RNF14: variants seen among roughly 807,000 people sequenced by gnomAD.
RNF14 encodes E3 ubiquitin-protein ligase RNF14.
Under a neutral mutation model 52.6 loss-of-function variants are expected in RNF14, and 26 were observed. The ratio of observed to expected loss-of-function variants is 0.49; its 90% CI spans 0.36 to 0.69. The LOEUF (loss-of-function observed/expected upper bound fraction) is 0.69, where lower values mean the gene tolerates loss of function less well. Ranked by LOEUF, RNF14 falls within the 30% of genes least tolerant of loss-of-function variation. The pLI is 0.00. For synonymous variants in RNF14, 194 were observed against 202.0 expected, an observed-to-expected ratio of 0.96 and a Z score of 0.34; for missense variants, 404 against 560.4, an observed-to-expected ratio of 0.72 and a Z score of 2.82.
intron 8 of RNF14, 51 bp downstream of exon 8, chr5:141,984,984 T>G: frequency 6.6e-7 from 1 of 1,513,384 alleles, no homozygotes; most frequent in Non-Finnish European, 9.1e-7. Context: ...TGGTACTTGA[T>G]TTGCAGACCA....
rs1463386647 is a variant in RNF14, at chr5:141,989,149, TTAAAA to T, written c.*1365_*1369del. The T allele has an allele frequency of 2.6e-5, 4 of 152,222 alleles. No homozygotes were observed. The highest frequency in any genetic ancestry group is 5.9e-5 in the Non-Finnish European group (4 of 68,036). 9.4% of individuals were successfully genotyped at this position (152,222 alleles called of 1,614,324 possible). ...GGATTGTCAAAGAGGATGCTTAGTC[TTAAAA>T]TAAAAATAAATTTAAAAATCATCTT... On this transcript the variant is annotated 3_prime_UTR_variant, in exon 9 of 9. Transcript: ENST00000394520.
At chr5:141,957,546 A>T (rs762984233), upstream of RNF14, 1 of 1,614,200 alleles carries the variant, frequency 6.2e-7, no homozygotes, top group South Asian at 1.1e-5. This position sits in a 1 kb window ranked among gnomAD's most constrained non-coding sequence, Gnocchi z 4.3. Context: ...CCAGGCAGGG[A>T]TCCCACTGTC....
In RNF14 at chr5:141,980,168, C is replaced by T. The variant is rs1247720780; in HGVS notation, c.880C>T (p.Leu294Phe). The change falls in exon 6 of 9, where the codon CTT (leucine) becomes TTT (phenylalanine). Residue 294 changes from leucine to phenylalanine, a missense_variant. By Grantham distance (22) the Leu-to-Phe change is conservative. Coordinates refer to ENST00000394520, the MANE Select transcript of RNF14 (RefSeq NM_004290.5). ...AGAGTTATTTGCCCGTTATGACCGC[C>T]TTCTCCTCCAGTCCTCCTTGGACCT... is the stretch of plus-strand genomic sequence containing the variant. ...EAELFARYDRLLLQSSLDLMA... is the reference protein window; with the variant it reads ...EAELFARYDRFLLQSSLDLMA... 1.2e-6 allele frequency: 2 copies of T among 1,614,238 alleles called. No homozygotes were observed. The highest frequency in any genetic ancestry group is 8.5e-7 in the Non-Finnish European group (1 of 1,180,046).
At chr5:141,957,604 T>A, upstream of RNF14, 5 of 1,614,202 alleles carry the variant, frequency 3.1e-6, no homozygotes, top group South Asian at 4.4e-5. This position sits in a 1 kb window ranked among gnomAD's most constrained non-coding sequence, Gnocchi z 4.3. Context: ...GAGCAAGCCT[T>A]CCTCAGAGTC....
chr5:141,957,698 C>T, upstream of RNF14: 1 of 1,614,194 alleles, frequency 6.2e-7, no homozygotes, highest in Non-Finnish European at 8.5e-7. This position sits in a 1 kb window ranked among gnomAD's most constrained non-coding sequence, Gnocchi z 4.3. Flanking sequence ...CGGCCCAGTT[C>T]CTGGGACAGC....
intron 2 of RNF14, among the ~76,000 whole-genome samples, chr5:141,971,191 A>G (rs1317634393): frequency 6.6e-6 from 1 of 152,180 alleles, no homozygotes; most frequent in Non-Finnish European, 1.5e-5. Context: ...TCACATTTAA[A>G]TTATCTGAAA....
the RNF14 span, chr5:141,951,348 G>A: frequency 3.1e-6 from 2 of 645,252 alleles, no homozygotes; most frequent in East Asian, 2.7e-5. Flanking sequence ...AACTCCCAGG[G>A]TGGGAGGATG....
At chr5:141,957,082 G>A (rs1242966740), upstream of RNF14, 1 of 1,614,164 alleles carries the variant, frequency 6.2e-7, no homozygotes, top group East Asian at 2.2e-5. This position sits in a 1 kb window ranked among gnomAD's most constrained non-coding sequence, Gnocchi z 4.3. Context: ...ACCAGGTGCA[G>A]CATCTTCTTG....
At chr5:141,987,318 C>A (rs1755327143) in intron 8 of RNF14, among the ~76,000 whole-genome samples, 1 of 152,170 alleles carries the variant, frequency 6.6e-6, no homozygotes, top group Non-Finnish European at 1.5e-5. Flanking sequence ...ATTTTTATTT[C>A]TCATTTTCCC....
upstream of RNF14, chr5:141,955,951 G>A (rs758513514): frequency 6.2e-7 from 1 of 1,614,168 alleles, no homozygotes; most frequent in East Asian, 2.2e-5. The surrounding 1 kb of genome is among the most constrained non-coding windows in gnomAD (Gnocchi z 5.5). Context: ...GCTGTAGAGG[G>A]GCTCTCCATT....
rs1468677066 is a variant in RNF14 at position 141,988,329 on chromosome 5, C to T, written c.*539C>T. ...AGTTCTCTTTGGAGGAAGCCCATTACTCCGTAACTGACTGGATGGTCCAGT... is the reference window on the plus strand; with the variant it reads ...AGTTCTCTTTGGAGGAAGCCCATTATTCCGTAACTGACTGGATGGTCCAGT... On this transcript the variant is annotated 3_prime_UTR_variant, in exon 9 of 9. Transcript: ENST00000394520. 6.5e-6 allele frequency: 1 copy of T among 152,814 alleles called. No homozygotes were observed. Among genetic ancestry groups the T allele is most frequent in the Non-Finnish European group, 1.5e-5 (1 of 68,420 alleles). 9.5% of individuals were successfully genotyped at this position (152,814 alleles called of 1,614,324 possible).
Position 141,978,738 on chromosome 5 carries a change from A to C in RNF14, c.742A>C (p.Lys248Gln). The change falls in exon 5 of 9, where the codon AAG becomes CAG. Residue 248 changes from lysine to glutamine, a missense_variant. Physicochemically the swap from Lys to Gln is moderately conservative, Grantham distance 53. Coordinates refer to ENST00000394520, the MANE Select transcript of RNF14 (RefSeq NM_004290.5). ...GCATGTGTACTGCAAAGCCTGTCTG[A>C]AGGACTACTTTGAAATCCAGATCAG... ...CRHVYCKACLKDYFEIQIRDG... is the reference protein window; with the variant it reads ...CRHVYCKACLQDYFEIQIRDG... The C allele has an allele frequency of 6.2e-7, 1 of 1,614,014 alleles. No homozygotes were observed. Among genetic ancestry groups the C allele is most frequent in the South Asian group, 1.1e-5 (1 of 91,078 alleles).
upstream of RNF14, chr5:141,954,955 G>T (rs1753147919): frequency 1.3e-6 from 2 of 1,598,868 alleles, no homozygotes; most frequent in Non-Finnish European, 1.7e-6. Flanking sequence ...AGAAAGAGCT[G>T]CCCATGCCCC....
upstream of RNF14, among the ~76,000 whole-genome samples, chr5:141,962,841 C>T (rs1753285855): frequency 6.6e-6 from 1 of 152,168 alleles, no homozygotes; most frequent in South Asian, 2.1e-4. Context: ...TCTCCCCAAC[C>T]TTCGAGAGGA....
chr5:141,979,213 A>G (rs1243427232), intron 5 of RNF14, among the ~76,000 whole-genome samples: 1 of 150,710 alleles, frequency 6.6e-6, no homozygotes, highest in African/African-American at 2.5e-5. Context: ...GCAGAAGTAC[A>G]GCCTACTTAG....
the RNF14 span, among the ~76,000 whole-genome samples, chr5:141,951,972 C>A: frequency 6.6e-6 from 1 of 152,256 alleles, no homozygotes; most frequent in African/African-American, 2.4e-5. Flanking sequence ...TCCCCTTTAG[C>A]AGTATTTGGA....
chr5:141,976,308 C>T (rs1305230944), intron 4 of RNF14, among the ~76,000 whole-genome samples: 1 of 150,612 alleles, frequency 6.6e-6, no homozygotes, highest in African/African-American at 2.4e-5. Context: ...CACGCATGTG[C>T]GTGCATGCAC....
chr5:141,983,893 A>G (rs1282335154), intron 7 of RNF14, among the ~76,000 whole-genome samples: 2 of 152,214 alleles, frequency 1.3e-5, no homozygotes, highest in African/African-American at 4.8e-5. Context: ...AGAACTATTT[A>G]TCCTGGAATG....
intron 4 of RNF14, 126 bp from the exon 5 acceptor site, chr5:141,978,177 A>G (rs1005868413): frequency 1.3e-6 from 1 of 749,298 alleles, no homozygotes; most frequent in African/African-American, 1.8e-5. Flanking sequence ...AGTGTATCAC[A>G]GCAGTAAAAA....
Sources: allele counts gnomAD v4.1 joint callset (sites outside exome capture counted in the v4.1 genomes callset), GRCh38; gene constraint gnomAD v4.1.1; non-coding constraint Gnocchi (gnomAD v3.1); transcripts MANE v1.5; gene names NCBI Gene and HGNC (gene_info 2026-07-23, HGNC 2026-07-21).